The following PKHD1L1 variants were observed in gnomAD, a reference collection of about 807,000 sequenced individuals.
The protein encoded by PKHD1L1 is PKHD1 like 1, also known as fibrocystin-L.
PKHD1L1 carries 434 observed loss-of-function variants against 462.9 expected under a neutral mutation model. The ratio of observed to expected loss-of-function variants is 0.94; its 90% CI spans 0.87 to 1.02. PKHD1L1 has a LOEUF of 1.02. Ranked by LOEUF, PKHD1L1 falls within the 50% of genes least tolerant of loss-of-function variation. The pLI is 0.00. For synonymous variants in PKHD1L1, 1,781 were observed against 1,750.0 expected (o/e 1.02, Z -0.44); for missense variants, 5,202 against 5,096.1 (o/e 1.02, Z -0.63).
intron 9 of PKHD1L1, among the ~76,000 whole-genome samples, chr8:109,392,903 A>G (rs1309683115): frequency 2.0e-5 from 3 of 152,108 alleles, no homozygotes; most frequent in South Asian, 2.1e-4. Flanking sequence ...GCTGTTCCCA[A>G]CTGATAAGGT....
intron 76 of PKHD1L1, among the ~76,000 whole-genome samples, chr8:109,525,482 G>C (rs935683964): frequency 9.9e-5 from 15 of 152,146 alleles, no homozygotes; most frequent in African/African-American, 3.1e-4. Flanking sequence ...GGCCAGGATA[G>C]CTCACCACTG....
intron 12 of PKHD1L1, among the ~76,000 whole-genome samples, chr8:109,399,109 T>C (rs921959): frequency 0.3 from 46,176 of 152,052 alleles, 7,645 homozygotes; most frequent in Admixed American, 0.44. Flanking sequence ...GCACCGTGAA[T>C]GTTGTTTATA....
intron 2 of PKHD1L1, among the ~76,000 whole-genome samples, chr8:109,367,857 T>A (rs1383919666): frequency 6.6e-6 from 1 of 152,204 alleles, no homozygotes; most frequent in East Asian, 1.9e-4. Flanking sequence ...GAGCTATGAT[T>A]GTACCACTGC....
In PKHD1L1 at chr8:109,409,867, T is replaced by C. The variant is rs766027644; in HGVS notation, c.1974T>C (p.Phe658=). ...PLTLWSSEAE[F]QGAVEEMVST... ...TAATGTTTATATTGTTAATTTAGTT[T>C]CAGGGAGCAGTGGAAGAAATGGTTA... The change falls in exon 19 of 78, where the codon TTT becomes TTC. Residue 658 remains phenylalanine, a splice_region_variant and synonymous_variant. Transcript: ENST00000378402. 1 of 1,569,150 alleles carries C rather than the reference T, an allele frequency of 6.4e-7. No homozygotes were observed. The highest frequency in any genetic ancestry group is 1.2e-5 in the South Asian group (1 of 84,734).
chr8:109,444,993 G>T lies in PKHD1L1; in HGVS notation c.5124G>T (p.Thr1708=), dbSNP rs751720288. The T allele has an allele frequency of 1.2e-6, 2 of 1,613,840 alleles. No individual in the cohort carries two copies. Among genetic ancestry groups the T allele is most frequent in the Admixed American group, 1.7e-5 (1 of 60,006 alleles). ...GTAAAGTTCTATCAGTGAATTATAC[G>T]GCCATTGAATGTGAAACATCCCCTG... ...FPCKVLSVNY[T]AIECETSPAA... Residue 1708 remains threonine (T), a synonymous_variant, in exon 38 of 78, where the codon ACG becomes ACT. Transcript: ENST00000378402.
chr8:109,464,853 T>A lies in PKHD1L1; in HGVS notation c.8021T>A (p.Val2674Glu), dbSNP rs766643312. ...GGTGCCCTTCAGTTCCATAACTTTG[T>A]GATGGTGAATAACTATGAGGCTGGA... ...NGGALQFHNFVMVNNYEAGIE... is the reference protein window; with the variant it reads ...NGGALQFHNFEMVNNYEAGIE... The change falls in exon 49 of 78, where the codon GTG (valine) becomes GAG (glutamate). Residue 2674 changes from valine (V) to glutamate (E), a missense_variant. Transcript: ENST00000378402. 1 of 1,613,840 alleles carries A rather than the reference T, an allele frequency of 6.2e-7. No individual in the cohort carries two copies.
intron 44 of PKHD1L1, 35 bp downstream of exon 44, chr8:109,454,281 A>G (rs769894670): frequency 2.8e-6 from 4 of 1,419,722 alleles, no homozygotes; most frequent in African/African-American, 2.9e-5. Context: ...TTCATTTCCA[A>G]CCTGTCTCCA....
chr8:109,445,183 T>G lies in PKHD1L1; in HGVS notation c.5314T>G (p.Leu1772Val), dbSNP rs1362717258. The G allele has an allele frequency of 2.5e-6, 4 of 1,613,852 alleles. No homozygotes were observed. Among genetic ancestry groups the G allele is most frequent in the Non-Finnish European group, 2.5e-6 (3 of 1,179,878 alleles). Residue 1772 changes from leucine to valine, a missense_variant, in exon 38 of 78, where the codon TTG becomes GTG. Transcript: ENST00000378402. ...SVKVLIEGEG[L>V]GTVLEDIAVF... is the part of the protein sequence containing the mutation. The stretch of plus-strand genomic sequence containing the variant: ...AAAAGTTCTTATTGAAGGAGAAGGT[T>G]TGGGGACTGTTTTGGAGGACATTGC...
In PKHD1L1 at chr8:109,534,005, C is replaced by T. The variant is rs189106620; in HGVS notation, c.*3915C>T. ...GGTTTCATTGTTATTTGGTGGTTAT[C>T]CTAAATCTCCTGCTTTCATCAGATG... On this transcript the variant is annotated 3_prime_UTR_variant, in exon 78 of 78. Transcript: ENST00000378402. Among the ~76,000 whole-genome samples the T allele has an allele frequency of 7.0e-4, 107 of 152,246 alleles. No homozygotes were observed. The highest frequency in any genetic ancestry group is 2.1e-3 in the African/African-American group (87 of 41,538).
chr8:109,486,359 T>C (rs1818526097), intron 58 of PKHD1L1, among the ~76,000 whole-genome samples: 1 of 152,042 alleles, frequency 6.6e-6, no homozygotes, highest in African/African-American at 2.4e-5. Context: ...TAATTTGAAG[T>C]GATTATATAC....
chr8:109,368,291 T>C (rs1811328745), intron 2 of PKHD1L1, among the ~76,000 whole-genome samples: 1 of 152,236 alleles, frequency 6.6e-6, no homozygotes, highest in Non-Finnish European at 1.5e-5. Context: ...CTTTTAATAA[T>C]GTCACAGAAA....
intron 72 of PKHD1L1, among the ~76,000 whole-genome samples, chr8:109,516,313 G>A (rs530463208): frequency 7.9e-5 from 12 of 152,076 alleles, no homozygotes; most frequent in African/African-American, 2.9e-4. Context: ...TGAGATCAGG[G>A]TGCCATGATG....
chr8:109,416,922 A>G (rs1429527813), intron 21 of PKHD1L1, among the ~76,000 whole-genome samples: 1 of 152,186 alleles, frequency 6.6e-6, no homozygotes, highest in Non-Finnish European at 1.5e-5. Flanking sequence ...TTTACTTTTG[A>G]TGCCTATCGC....
chr8:109,508,310 T>C, intron 70 of PKHD1L1, 46 bp downstream of exon 70: 1 of 1,513,020 alleles, frequency 6.6e-7, no homozygotes, highest in Non-Finnish European at 9.0e-7. Flanking sequence ...AAACATTGCT[T>C]GTTATTAAAT....
chr8:109,498,881 T>A, intron 67 of PKHD1L1, 110 bp downstream of exon 67: 1 of 958,558 alleles, frequency 1.0e-6, no homozygotes. Context: ...TGAATTTTTA[T>A]AGCAATCTGC....
rs867554459 is a variant in PKHD1L1, at chr8:109,410,344, A to C, written c.2085+366A>C. ...AAGAAAAGAGGTTTAATTGGCTCAC[A>C]GTTCTGTAGGCTGTACAGGAAGCAT... On this transcript the variant is annotated intron_variant, in intron 19 of 77. Transcript: ENST00000378402. Among the ~76,000 whole-genome samples the C allele has an allele frequency of 4.6e-5, 7 of 152,158 alleles. No individual in the cohort carries two copies. The South Asian group carries it at 6.2e-4, about 13-fold the overall frequency.
chr8:109,413,348 A>G (rs1813959227), intron 20 of PKHD1L1, 73 bp from the exon 21 acceptor site: 3 of 1,030,892 alleles, frequency 2.9e-6, no homozygotes, highest in Non-Finnish European at 2.6e-6. Flanking sequence ...ATTGACTTTG[A>G]ATTTATTTGA....
chr8:109,384,959 G>A (rs1812360084), intron 5 of PKHD1L1, among the ~76,000 whole-genome samples: 1 of 151,736 alleles, frequency 6.6e-6, no homozygotes, highest in Non-Finnish European at 1.5e-5. Flanking sequence ...CCATTTATAT[G>A]TTATATGTAA....
At chr8:109,408,979 G>T (rs978404201) in intron 18 of PKHD1L1, among the ~76,000 whole-genome samples, 1 of 152,172 alleles carries the variant, frequency 6.6e-6, no homozygotes, top group East Asian at 1.9e-4. Context: ...TATCTCCATA[G>T]GGGGCAGCCA....
Sources: gnomAD v4.1 joint callset for allele counts (sites outside exome capture counted in the v4.1 genomes callset) on GRCh38, gnomAD v4.1.1 for gene constraint, MANE v1.5 for transcripts, NCBI Gene and HGNC (gene_info 2026-07-23, HGNC 2026-07-21) for gene names.